Variants in PDE4D observed in about 807,000 individuals in gnomAD.
PDE4D encodes the protein phosphodiesterase 4D, also known as 3',5'-cyclic-AMP phosphodiesterase 4D.
In PDE4D, 24 loss-of-function variants were observed where a neutral mutation model predicts 87.4. That is an observed-to-expected ratio of 0.27 (90% CI 0.20 to 0.39). The LOEUF (loss-of-function observed/expected upper bound fraction) is 0.39, where lower values mean the gene tolerates loss of function less well. Ranked by LOEUF, PDE4D falls within the 10% of genes least tolerant of loss-of-function variation. The pLI, the probability that PDE4D is intolerant of heterozygous loss-of-function variation, is 1.00. For missense variants in PDE4D, 714 were observed against 1,041.0 expected, an observed-to-expected ratio of 0.69 and a Z score of 4.32; for synonymous variants, 384 against 383.2, an observed-to-expected ratio of 1.00 and a Z score of -0.02.
intron 1 of PDE4D, among the ~76,000 whole-genome samples, chr5:60,238,574 T>C (rs992320893): frequency 6.6e-6 from 1 of 152,014 alleles, no homozygotes; most frequent in Non-Finnish European, 1.5e-5. Flanking sequence ...GAAATAAAAT[T>C]TTCCTTTTTT....
chr5:59,154,051 G>A (rs2153461502), intron 5 of PDE4D, among the ~76,000 whole-genome samples: 5 of 152,320 alleles, frequency 3.3e-5, no homozygotes, highest in Admixed American at 3.3e-4. Flanking sequence ...CAGGGGCTGG[G>A]CTGGAGAGGA....
intron 1 of PDE4D, among the ~76,000 whole-genome samples, chr5:59,674,384 C>T (rs1040222033): frequency 2.0e-5 from 3 of 152,154 alleles, no homozygotes; most frequent in African/African-American, 4.8e-5. Context: ...CCAACCCTCG[C>T]CCCCACCAGC....
intron 1 of PDE4D, among the ~76,000 whole-genome samples, chr5:59,593,343 G>A (rs912010076): frequency 6.7e-6 from 1 of 150,034 alleles, no homozygotes; most frequent in East Asian, 1.9e-4. Context: ...AAAGAGAAAT[G>A]TTGTAAGAAT....
intron 2 of PDE4D, among the ~76,000 whole-genome samples, chr5:60,062,924 G>A (rs910414164): frequency 6.6e-6 from 1 of 152,092 alleles, no homozygotes; most frequent in Admixed American, 6.5e-5. Context: ...GGGTCATGGG[G>A]GCACGAGGGG....
At chr5:59,825,694 G>T (rs990402586) in intron 1 of PDE4D, among the ~76,000 whole-genome samples, 6 of 152,130 alleles carry the variant, frequency 3.9e-5, no homozygotes, top group African/African-American at 1.4e-4. Context: ...GTAGTATTAG[G>T]CTAAAGCTTA....
intron 1 of PDE4D, among the ~76,000 whole-genome samples, chr5:60,375,994 G>A (rs954081003): frequency 1.3e-5 from 2 of 152,082 alleles, no homozygotes; most frequent in Admixed American, 6.6e-5. Context: ...AGCTGAGATC[G>A]CGCCACTGCA....
In PDE4D at chr5:60,206,073, A is replaced by T. The variant is rs1486922740; in HGVS notation, c.-89-20386T>A. 7.2e-5 allele frequency among the ~76,000 whole-genome samples: 11 copies of T among 152,244 alleles called. No homozygotes were observed. In the East Asian group the frequency reaches 2.1e-3, roughly 29 times the overall value. ...CCCAGTGTTTCTTGAAAAAATGCTG[A>T]CTTCTGCATCCTGACCCTCTCAGCT... On this transcript the variant is annotated intron_variant, in intron 1 of 16. Transcript: ENST00000502484.
chr5:60,080,585 C>G (rs908349694), intron 2 of PDE4D, among the ~76,000 whole-genome samples: 6 of 152,122 alleles, frequency 3.9e-5, no homozygotes, highest in Non-Finnish European at 7.4e-5. Context: ...GAGTTTTTAA[C>G]ATGAAGGGAT....
chr5:59,426,792 A>T (rs528773443), intron 1 of PDE4D, among the ~76,000 whole-genome samples: 9 of 132,706 alleles, frequency 6.8e-5, no homozygotes, highest in South Asian at 6.3e-4. Context: ...CATTTTGATT[A>T]AAAAAAAATG....
intron 1 of PDE4D, among the ~76,000 whole-genome samples, chr5:60,512,155 A>G (rs1344686126): frequency 2.6e-5 from 4 of 152,192 alleles, no homozygotes; most frequent in Non-Finnish European, 5.9e-5. Flanking sequence ...ATATAAAATA[A>G]TATGACATGA....
chr5:59,179,849 G>A (rs1039462543), intron 5 of PDE4D, among the ~76,000 whole-genome samples: 9 of 152,218 alleles, frequency 5.9e-5, no homozygotes, highest in Admixed American at 6.5e-5. Flanking sequence ...ATCAATTGGG[G>A]TTTCAAGAAA....
chr5:59,089,310 GA>G (rs1561464406), intron 5 of PDE4D, among the ~76,000 whole-genome samples: 3 of 151,968 alleles, frequency 2.0e-5, no homozygotes, highest in Admixed American at 1.3e-4. Context: ...TCAAGATAAG[GA>G]AACTAATTGG....
chr5:60,037,752 T>A (rs1767968733), intron 2 of PDE4D, among the ~76,000 whole-genome samples: 1 of 152,196 alleles, frequency 6.6e-6, no homozygotes. Flanking sequence ...ATTGTTTAGC[T>A]AAAGAAATCA....
intron 1 of PDE4D, among the ~76,000 whole-genome samples, chr5:59,663,866 C>G (rs934085739): frequency 6.6e-6 from 1 of 152,174 alleles, no homozygotes; most frequent in Admixed American, 6.5e-5. Flanking sequence ...AACAGAATAA[C>G]ATAACATTCA....
intron 1 of PDE4D, among the ~76,000 whole-genome samples, chr5:59,254,760 G>A (rs544860467): frequency 2.6e-5 from 4 of 152,128 alleles, no homozygotes; most frequent in Non-Finnish European, 4.4e-5. Context: ...GATTCCAAAC[G>A]TGTAGCCACC....
At chr5:59,215,531 T>C (rs1452131733) in intron 2 of PDE4D, 1 of 401,078 alleles carries the variant, frequency 2.5e-6, no homozygotes, top group Non-Finnish European at 4.4e-6. Context: ...ATAAAGTATT[T>C]TCTGGGAAAA....
intron 1 of PDE4D, among the ~76,000 whole-genome samples, chr5:59,609,985 G>C (rs139211264): frequency 4.6e-5 from 7 of 152,320 alleles, no homozygotes; most frequent in Non-Finnish European, 1.0e-4. Context: ...TCCCCTGAGA[G>C]AGCAAGAAGG....
At chr5:60,311,383 A>G (rs1323794212) in intron 1 of PDE4D, among the ~76,000 whole-genome samples, 1 of 152,236 alleles carries the variant, frequency 6.6e-6, no homozygotes, top group Non-Finnish European at 1.5e-5. Flanking sequence ...CAGAAACCCT[A>G]CAAGCCAGAC....
At chr5:59,624,408 T>G (rs1830670538) in intron 1 of PDE4D, among the ~76,000 whole-genome samples, 1 of 152,208 alleles carries the variant, frequency 6.6e-6, no homozygotes, top group South Asian at 2.1e-4. Context: ...TTGTCATTTT[T>G]TTTTCAGTCT....
Sources: gnomAD v4.1 joint callset for allele counts (sites outside exome capture counted in the v4.1 genomes callset) on GRCh38, gnomAD v4.1.1 for gene constraint, MANE v1.5 for transcripts, NCBI Gene and HGNC (gene_info 2026-07-23, HGNC 2026-07-21) for gene names.